AGFG1: variants seen among roughly 807,000 people sequenced by gnomAD.
AGFG1 encodes ArfGAP with FG repeats 1.
A neutral mutation model predicts 60.6 loss-of-function variants in AGFG1; 10 were observed. The observed-to-expected ratio is 0.16, with a 90% CI of 0.10 to 0.28. AGFG1 has a LOEUF of 0.28. Among genes scored for constraint, AGFG1 ranks in the 10% least tolerant of loss-of-function variants. The pLI is 1.00. For synonymous variants in AGFG1, 247 were observed against 242.9 expected (o/e 1.02, Z -0.16); for missense variants, 537 against 676.5 (o/e 0.79, Z 2.29).
intron 10 of AGFG1, among the ~76,000 whole-genome samples, chr2:227,538,295 A>G (rs1444556160): frequency 1.3e-5 from 2 of 152,234 alleles, no homozygotes; most frequent in East Asian, 3.8e-4. Flanking sequence ...TTAATTGAAC[A>G]TATTTTGAGT....
rs561067245 is a variant in AGFG1 at position 227,509,029 on chromosome 2, TAAAGG to T, written c.262-10916_262-10912del. 3.9e-5 allele frequency among the ~76,000 whole-genome samples: 6 copies of T among 152,128 alleles called. No homozygotes were observed. The South Asian group carries it at 1.2e-3, about 31-fold the overall frequency. ...AATTTTAGCATTAAAATGTAAGTCA[TAAAGG>T]AAGCCATAAACATGTAGAAAACAGT... On this transcript the variant is annotated intron_variant, in intron 2 of 12. Coordinates refer to ENST00000310078, the MANE Select transcript of AGFG1 (RefSeq NM_004504.5).
At chr2:227,474,190 A>C (rs1397894812) in intron 1 of AGFG1, among the ~76,000 whole-genome samples, 1 of 152,218 alleles carries the variant, frequency 6.6e-6, no homozygotes, top group Non-Finnish European at 1.5e-5. Flanking sequence ...GAAAGTTGTT[A>C]CTTACGTTGG....
chr2:227,541,760 G>A (rs1420259857), intron 10 of AGFG1, among the ~76,000 whole-genome samples: 1 of 152,094 alleles, frequency 6.6e-6, no homozygotes, highest in Non-Finnish European at 1.5e-5. Flanking sequence ...GATGGGGATG[G>A]CATTGAATCT....
intron 10 of AGFG1, among the ~76,000 whole-genome samples, chr2:227,549,354 A>T (rs1431664777): frequency 2.0e-5 from 3 of 152,234 alleles, no homozygotes; most frequent in Non-Finnish European, 4.4e-5. Flanking sequence ...TAAACCGAAC[A>T]AACAAAAGGT....
intron 1 of AGFG1, among the ~76,000 whole-genome samples, chr2:227,481,424 TAA>T (rs1690459264): frequency 6.6e-6 from 1 of 152,164 alleles, no homozygotes. Flanking sequence ...CTGGAGAGTC[TAA>T]TGATTTCTGA....
chr2:227,477,369 G>A (rs1575057227), intron 1 of AGFG1, among the ~76,000 whole-genome samples: 1 of 152,314 alleles, frequency 6.6e-6, no homozygotes, highest in East Asian at 1.9e-4. Flanking sequence ...TAACAGTGAT[G>A]TGAGGAAGGT....
rs1692324351 is a variant in AGFG1, at chr2:227,536,675, C to T, written c.1256C>T (p.Ala419Val). The change falls in exon 9 of 13, where the codon GCT becomes GTT. Residue 419 changes from alanine to valine, a missense_variant. Transcript: ENST00000310078. ...GTTGCTTCTGCACAGACACAGCCTG[C>T]TTCATCAAGTGTGCCTGCTCCATTT... The part of the protein sequence containing the change: ...PVVASAQTQP[A>V]SSSVPAPFGA... 4 of 1,613,710 alleles carry T rather than the reference C, an allele frequency of 2.5e-6. No individual in the cohort carries two copies. Among genetic ancestry groups the T allele is most frequent in the Middle Eastern group, 1.7e-4 (1 of 6,060 alleles).
At chr2:227,478,181 C>T (rs1175356823) in intron 1 of AGFG1, among the ~76,000 whole-genome samples, 2 of 149,696 alleles carry the variant, frequency 1.3e-5, no homozygotes, top group African/African-American at 4.9e-5. Context: ...TCATTGTATG[C>T]AGTCAAGTTT....
Position 227,557,789 on chromosome 2 carries a change from C to T in AGFG1, c.*3294C>T, listed in dbSNP as rs1316595359. 6.6e-6 allele frequency: 1 copy of T among 152,134 alleles called. No homozygotes were observed. The highest frequency in any genetic ancestry group is 1.5e-5 in the Non-Finnish European group (1 of 68,020). The allele number at this position is 152,134 out of a possible 1,614,324, so 9.4% of individuals were successfully genotyped here. A position where few individuals can be genotyped will look rare whatever the true frequency, so the allele number is the denominator to read the frequency against. On this transcript the variant is annotated 3_prime_UTR_variant, in exon 13 of 13. Transcript: ENST00000310078. ...GCATTCCAACTTAAAAATTACACAG[C>T]ATACACACGCTGGAAAACTCCACTG...
chr2:227,477,193 G>T (rs770547108), intron 1 of AGFG1, among the ~76,000 whole-genome samples: 1 of 152,076 alleles, frequency 6.6e-6, no homozygotes, highest in Non-Finnish European at 1.5e-5. Context: ...GAGCCACCTC[G>T]CCTGGCCTAG....
intron 10 of AGFG1, among the ~76,000 whole-genome samples, chr2:227,546,632 C>CT: frequency 6.6e-6 from 1 of 152,326 alleles, no homozygotes; most frequent in South Asian, 2.1e-4. Context: ...CCTTCTGGGG[C>CT]TGTAGCTTTT....
Position 227,553,577 on chromosome 2 carries a change from ACTT to A in AGFG1, c.1538-126_1538-124del, listed in dbSNP as rs1298742022. 3.0e-5 allele frequency: 22 copies of A among 724,704 alleles called. 1 individual carries two copies. The East Asian group carries it at 5.7e-4, about 19-fold the overall frequency. 44.9% of individuals were successfully genotyped at this position (724,704 alleles called of 1,614,324 possible). ...ATCTGAAAGAGCTTGAGGCCTAACA[ACTT>A]AACTTTAACATTTTATTTTTGCTGC... On this transcript the variant is annotated intron_variant, in intron 11 of 12. Coordinates refer to ENST00000310078, the MANE Select transcript of AGFG1 (RefSeq NM_004504.5).
In AGFG1 at chr2:227,504,903, G is replaced by A. The variant is rs554723473; in HGVS notation, c.261+13263G>A. On this transcript the variant is annotated intron_variant, in intron 2 of 12. Transcript: ENST00000310078. ...TGTACTTGAAAGGAGTGTGTTTTCTGAAGTTGTTGGGTGTAGTGTTCTATA... is the reference window on the plus strand; with the variant it reads ...TGTACTTGAAAGGAGTGTGTTTTCTAAAGTTGTTGGGTGTAGTGTTCTATA... Among the ~76,000 whole-genome samples the A allele has an allele frequency of 1.6e-4, 24 of 152,280 alleles. No homozygotes were observed. The South Asian group carries it at 4.4e-3, about 28-fold the overall frequency.
At chr2:227,519,796 A>T in intron 2 of AGFG1, 152 bp from the exon 3 acceptor site, 1 of 515,756 alleles carries the variant, frequency 1.9e-6, no homozygotes, top group Non-Finnish European at 3.4e-6. Context: ...ATTAAAAATA[A>T]ATTTAGTTCC....
chr2:227,544,317 G>T (rs541024935), intron 10 of AGFG1, among the ~76,000 whole-genome samples: 2 of 152,014 alleles, frequency 1.3e-5, no homozygotes, highest in Admixed American at 1.3e-4. Context: ...ACCACACCCG[G>T]CTAATTTTTT....
chr2:227,509,116 T>TA (rs1449554154), intron 2 of AGFG1, among the ~76,000 whole-genome samples: 2 of 152,300 alleles, frequency 1.3e-5, no homozygotes, highest in Middle Eastern at 3.4e-3. Context: ...AACAGTGACT[T>TA]TAAATGGATA....
At position 227,544,608 on chromosome 2, in the gene AGFG1, T is replaced by C. The variant is rs189286514; in HGVS notation, c.1379-7351T>C. 4.3e-4 allele frequency among the ~76,000 whole-genome samples: 65 copies of C among 152,310 alleles called. 1 individual carries two copies. In the East Asian group the frequency reaches 0.012, roughly 29 times the overall value. On this transcript the variant is annotated intron_variant, in intron 10 of 12. Coordinates refer to ENST00000310078, the MANE Select transcript of AGFG1 (RefSeq NM_004504.5). ...GCAGTGACTGGTACCGGTTGTTCTTTCTATGTTTAGTACTTCCTTCAGGAG... is the reference window on the plus strand; with the variant it reads ...GCAGTGACTGGTACCGGTTGTTCTTCCTATGTTTAGTACTTCCTTCAGGAG...
At chr2:227,478,489 G>A (rs529768394) in intron 1 of AGFG1, among the ~76,000 whole-genome samples, 4 of 151,714 alleles carry the variant, frequency 2.6e-5, no homozygotes, top group Admixed American at 6.6e-5. Context: ...GACTACAGGC[G>A]CGTGCCACCA....
chr2:227,538,642 T>G (rs1266240113), intron 10 of AGFG1, among the ~76,000 whole-genome samples: 1 of 152,200 alleles, frequency 6.6e-6, no homozygotes, highest in Non-Finnish European at 1.5e-5. Flanking sequence ...ATGATGCACA[T>G]TTACCCTGTA....
Sources: allele counts gnomAD v4.1 joint callset (sites outside exome capture counted in the v4.1 genomes callset), GRCh38; gene constraint gnomAD v4.1.1; transcripts MANE v1.5; gene names NCBI Gene and HGNC (gene_info 2026-07-23, HGNC 2026-07-21).